The following AGBL1 variants were observed in gnomAD, a reference collection of about 807,000 sequenced individuals.
AGBL1 encodes cytosolic carboxypeptidase 4.
Under a neutral mutation model 118.9 loss-of-function variants are expected in AGBL1, and 130 were observed. The observed-to-expected ratio is 1.09, with a 90% confidence interval of 0.95 to 1.26. The LOEUF (loss-of-function observed/expected upper bound fraction) is 1.26, where lower values mean the gene tolerates loss of function less well. Among genes scored for constraint, AGBL1 ranks in the 50% most tolerant of loss-of-function variants. The pLI is 0.00. For missense variants in AGBL1, 1,584 were observed against 1,298.1 expected (o/e 1.22, Z -3.38); for synonymous variants, 555 against 478.9 (o/e 1.16, Z -2.08).
intron 23 of AGBL1, among the ~76,000 whole-genome samples, chr15:86,955,943 G>A (rs930056501): frequency 6.6e-6 from 1 of 152,086 alleles, no homozygotes; most frequent in Non-Finnish European, 1.5e-5. Flanking sequence ...CATGAAGCCA[G>A]GGTTTTACAA....
intron 22 of AGBL1, among the ~76,000 whole-genome samples, chr15:86,883,165 A>G (rs1413836558): frequency 6.6e-6 from 1 of 152,230 alleles, no homozygotes; most frequent in African/African-American, 2.4e-5. Context: ...TTTTAAATTA[A>G]ACAGCTAATT....
chr15:86,565,733 A>G (rs1292351990), intron 21 of AGBL1, among the ~76,000 whole-genome samples: 1 of 152,186 alleles, frequency 6.6e-6, no homozygotes, highest in East Asian at 1.9e-4. Context: ...CCAGAGGTGG[A>G]GTCTACAGAG....
intron 1 of AGBL1, among the ~76,000 whole-genome samples, chr15:86,118,462 T>C (rs755885529): frequency 1.4e-5 from 2 of 139,712 alleles, no homozygotes; most frequent in Non-Finnish European, 3.1e-5. Context: ...GACAACATTA[T>C]AATTACACTT....
At chr15:86,137,652 C>G (rs2076907095) in intron 1 of AGBL1, among the ~76,000 whole-genome samples, 2 of 151,758 alleles carry the variant, frequency 1.3e-5, no homozygotes, top group South Asian at 4.2e-4. Flanking sequence ...TGCAGGTATC[C>G]TCTCAGGTTT....
chr15:86,246,165 G>A (rs1338030532), intron 6 of AGBL1, among the ~76,000 whole-genome samples: 1 of 152,200 alleles, frequency 6.6e-6, no homozygotes, highest in Non-Finnish European at 1.5e-5. Context: ...CATTACAGGT[G>A]TGAGCCACCA....
At chr15:86,267,399 GTGAGAGCACTT>G (rs941560584) in intron 13 of AGBL1, among the ~76,000 whole-genome samples, 23 of 152,308 alleles carry the variant, frequency 1.5e-4, no homozygotes, top group African/African-American at 5.3e-4. Flanking sequence ...ATATTTCGGT[GTGAGAGCACTT>G]TGACTGGGAT....
intron 18 of AGBL1, among the ~76,000 whole-genome samples, chr15:86,422,327 C>A (rs2081802569): frequency 1.3e-5 from 2 of 152,152 alleles, no homozygotes; most frequent in African/African-American, 4.8e-5. Context: ...GGAAACTGAA[C>A]AACCTGCTCC....
intron 22 of AGBL1, among the ~76,000 whole-genome samples, chr15:86,863,795 G>A (rs893102501): frequency 6.6e-6 from 1 of 152,110 alleles, no homozygotes; most frequent in South Asian, 2.1e-4. Flanking sequence ...AAAACACATG[G>A]GTTCTGAAGT....
chr15:86,575,372 C>T lies in AGBL1; in HGVS notation c.2994+20835C>T, dbSNP rs539693600. 6.0e-5 allele frequency among the ~76,000 whole-genome samples: 9 copies of T among 149,446 alleles called. No individual in the cohort carries two copies. In the South Asian group the frequency reaches 1.7e-3, roughly 28 times the overall value. On this transcript the variant is annotated intron_variant, in intron 21 of 22. Transcript: ENST00000614907. ...AAAATTAGCTAGGTGTGGTTGGACC[C>T]ACCTGAGGTTTTGGCTACAAGGGAG...
rs36127489 is a variant in AGBL1, at chr15:86,410,807, GATATATATATATATATATATAT to G, written c.2555+13275_2555+13296del. Among the ~76,000 whole-genome samples, 38 of 40,358 alleles carry G rather than the reference GATATATATATATATATATATAT, an allele frequency of 9.4e-4. 1 individual carries two copies. Among genetic ancestry groups the G allele is most frequent in the Middle Eastern group, 0.013 (1 of 76 alleles). The allele number at this position is 40,358 out of a possible 152,430, so 26.5% of individuals were successfully genotyped here. A position where few individuals can be genotyped will look rare whatever the true frequency, so the allele number is the denominator to read the frequency against. ...AGAGGAAGAGACAAGGTCAAATGTA[GATATATATATATATATATATAT>G]ATATATATATATAATATACTATTTT... is the stretch of plus-strand genomic sequence containing the variant. On this transcript the variant is annotated intron_variant, in intron 18 of 22. Coordinates refer to ENST00000614907, the MANE Select transcript of AGBL1 (RefSeq NM_001386094.1).
intron 22 of AGBL1, among the ~76,000 whole-genome samples, chr15:86,790,845 G>A (rs1461685769): frequency 6.6e-6 from 1 of 151,782 alleles, no homozygotes; most frequent in African/African-American, 2.4e-5. Context: ...CACACCGTAT[G>A]GCTTCTGTAA....
intron 21 of AGBL1, among the ~76,000 whole-genome samples, chr15:86,616,438 G>C (rs1436739359): frequency 6.6e-6 from 1 of 152,010 alleles, no homozygotes; most frequent in East Asian, 1.9e-4. Flanking sequence ...ATAGAGGTTG[G>C]ACTGTACAAA....
chr15:86,094,958 C>T (rs573720280), intron 1 of AGBL1, among the ~76,000 whole-genome samples: 10 of 152,284 alleles, frequency 6.6e-5, no homozygotes, highest in Admixed American at 2.0e-4. Flanking sequence ...CTGAAACTTC[C>T]GACCAATTGG....
chr15:86,194,977 G>C (rs746097880), intron 5 of AGBL1, among the ~76,000 whole-genome samples: 1 of 151,992 alleles, frequency 6.6e-6, no homozygotes, highest in East Asian at 1.9e-4. Flanking sequence ...TTTTATGATG[G>C]GTATAAATTC....
chr15:86,417,420 T>C (rs746443059), intron 18 of AGBL1, among the ~76,000 whole-genome samples: 8 of 152,324 alleles, frequency 5.3e-5, no homozygotes, highest in Middle Eastern at 6.8e-3. Context: ...CCGATTGTTA[T>C]CTGAATTACC....
chr15:86,751,668 G>T (rs1043667160), intron 22 of AGBL1, among the ~76,000 whole-genome samples: 1 of 152,100 alleles, frequency 6.6e-6, no homozygotes, highest in Admixed American at 6.6e-5. Context: ...GCAGCCTCCT[G>T]AGCAATGTTC....
chr15:86,978,074 C>T (rs1355303656), intron 23 of AGBL1, among the ~76,000 whole-genome samples: 1 of 152,056 alleles, frequency 6.6e-6, no homozygotes, highest in African/African-American at 2.4e-5. Context: ...CTAATGCTTA[C>T]TTTTCTAATT....
intron 18 of AGBL1, among the ~76,000 whole-genome samples, chr15:86,478,361 G>A (rs2082594245): frequency 6.6e-6 from 1 of 152,170 alleles, no homozygotes; most frequent in South Asian, 2.1e-4. Flanking sequence ...ATCTCCTTAA[G>A]CTGATAAGCA....
At chr15:86,925,128 G>GGAA (rs1567242764) in intron 23 of AGBL1, among the ~76,000 whole-genome samples, 1 of 44,766 alleles carries the variant, frequency 2.2e-5, no homozygotes, top group African/African-American at 6.4e-5. Context: ...AAGAAGAAGA[G>GGAA]GAAGAGGAAG....
Sources: allele counts gnomAD v4.1 joint callset (sites outside exome capture counted in the v4.1 genomes callset), GRCh38; gene constraint gnomAD v4.1.1; transcripts MANE v1.5; gene names NCBI Gene and HGNC (gene_info 2026-07-23, HGNC 2026-07-21).